The following MCM2 variants were observed in gnomAD, a reference collection of about 807,000 sequenced individuals.
MCM2 encodes minichromosome maintenance complex component 2, also known as DNA replication licensing factor MCM2.
Under a neutral mutation model 86.4 loss-of-function variants are expected in MCM2, and 49 were observed. The observed-to-expected ratio is 0.57, with a 90% CI of 0.45 to 0.72. MCM2 has a LOEUF of 0.72. MCM2 is among the 30% of genes least tolerant of loss of function. The pLI, the probability that MCM2 is intolerant of heterozygous loss-of-function variation, is 0.00. For missense variants in MCM2, 1,038 were observed against 1,259.9 expected, an observed-to-expected ratio of 0.82 and a Z score of 2.67; for synonymous variants, 475 against 484.6, an observed-to-expected ratio of 0.98 and a Z score of 0.26.
Position 127,604,742 on chromosome 3 carries a change from C to A in MCM2, c.371C>A (p.Ala124Asp). ...GCCATGCGGCAGCGTGACCGGGAGG[C>A]TGGCCGGGGCCTGGGCCGCATGCGC... is the stretch of plus-strand genomic sequence containing the variant. ...ERAMRQRDRE[A>D]GRGLGRMRRG... Residue 124 changes from alanine to aspartate, a missense_variant, in exon 3 of 16, where the codon GCT (alanine) becomes GAT (aspartate). Physicochemically the swap from Ala to Asp is moderately radical, Grantham distance 126. Transcript: ENST00000265056. 6.2e-7 allele frequency: 1 copy of A among 1,608,344 alleles called. No homozygotes were observed. The highest frequency in any genetic ancestry group is 2.2e-5 in the East Asian group (1 of 44,712).
rs550995424 is a variant in MCM2 at position 127,616,411 on chromosome 3, A to G, written c.1522+456A>G. Among the ~76,000 whole-genome samples, 28 of 152,220 alleles carry G rather than the reference A, an allele frequency of 1.8e-4. 2 individuals are homozygous for G. The South Asian group carries it at 5.8e-3, about 32-fold the overall frequency. ...AATTACACAGCAACCACAGGGTTTC[A>G]TGACTACACGTGTTTATTTGTACAA... is the stretch of plus-strand genomic sequence containing the variant. On this transcript the variant is annotated intron_variant, in intron 9 of 15. Transcript: ENST00000265056.
At position 127,606,215 on chromosome 3, in the gene MCM2, G is replaced by A. The variant is rs1370278109; in HGVS notation, c.771G>A (p.Gln257=). The A allele has an allele frequency of 3.7e-6, 6 of 1,614,124 alleles. No homozygotes were observed. The African/African-American group carries it at 6.7e-5, about 18-fold the overall frequency. The part of the protein sequence containing the change: ...FLPEAPAELL[Q]IFDEAALEVV... ...CTGAGGCACCGGCGGAGCTGCTGCA[G>A]ATCTTTGATGAGGCTGCCCTGGAGG... is the stretch of plus-strand genomic sequence containing the variant. Residue 257 remains glutamine (Q), a synonymous_variant, in exon 5 of 16, where the codon CAG becomes CAA. Transcript: ENST00000265056. This position sits in a 1 kb window ranked among gnomAD's most constrained non-coding sequence, Gnocchi z 4.2.
rs536872686 is a variant in MCM2 at position 127,598,456 on chromosome 3, G to C, written c.-11G>C. On this transcript the variant is annotated 5_prime_UTR_variant, in exon 1 of 16. Transcript: ENST00000265056. ...TGTTGCTGTAGTGGCGGAGAGGATC[G>C]TGGTACTGCTATGGCGGTGAGCGCG... The C allele has an allele frequency of 4.1e-5, 66 of 1,613,302 alleles. No individual in the cohort carries two copies. The South Asian group carries it at 6.8e-4, about 17-fold the overall frequency.
Position 127,598,432 on chromosome 3 carries a change from G to C in MCM2, c.-35G>C, listed in dbSNP as rs746231456. 1.2e-6 allele frequency: 2 copies of C among 1,613,522 alleles called. No individual in the cohort carries two copies. Among genetic ancestry groups the C allele is most frequent in the South Asian group, 1.1e-5 (1 of 91,048 alleles). On this transcript the variant is annotated 5_prime_UTR_variant, in exon 1 of 16. Coordinates refer to ENST00000265056, the MANE Select transcript of MCM2 (RefSeq NM_004526.4). ...ACCACTTTTCGCGCGAAACCTGGTT[G>C]TTGCTGTAGTGGCGGAGAGGATCGT...
chr3:127,602,644 G>A (rs572436808), intron 2 of MCM2, among the ~76,000 whole-genome samples: 16 of 152,338 alleles, frequency 1.1e-4, no homozygotes, highest in African/African-American at 1.7e-4. Flanking sequence ...CTTTGCACTC[G>A]CTGGGTGCCT....
rs1271353947 is a variant in MCM2, at chr3:127,622,382, C to G, written c.*609C>G. The G allele has an allele frequency of 2.6e-5, 4 of 152,176 alleles. No individual in the cohort carries two copies. The highest frequency in any genetic ancestry group is 2.6e-4 in the Admixed American group (4 of 15,270). 9.4% of individuals were successfully genotyped at this position (152,176 alleles called of 1,614,324 possible). A position where few individuals can be genotyped will look rare whatever the true frequency, so the allele number is the denominator to read the frequency against. On this transcript the variant is annotated 3_prime_UTR_variant, in exon 16 of 16. Transcript: ENST00000265056. ...CTGTTTCCCCACTCTCTTATTTGTG[C>G]ATTCGGTTTGGTTTCTGTAGTTTTA... is the stretch of plus-strand genomic sequence containing the variant.
chr3:127,609,093 G>A (rs1253722189), intron 8 of MCM2, 70 bp downstream of exon 8: 4 of 1,532,022 alleles, frequency 2.6e-6, no homozygotes, highest in South Asian at 1.2e-5. Flanking sequence ...TGGGGCTGTG[G>A]TAGGCACCTA....
At position 127,604,601 on chromosome 3, in the gene MCM2, C is replaced by T; in HGVS notation, c.237-7C>T. 1 of 1,611,332 alleles carries T rather than the reference C, an allele frequency of 6.2e-7. No homozygotes were observed. Among genetic ancestry groups the T allele is most frequent in the Non-Finnish European group, 8.5e-7 (1 of 1,178,746 alleles). Reference sequence around the variant, plus strand: ...CAGTAACCACATCTGTTTTGGTGCTCCCTCAGGGACTACCGCGCCATCCCA... The same window carrying T: ...CAGTAACCACATCTGTTTTGGTGCTTCCTCAGGGACTACCGCGCCATCCCA... On this transcript the variant is annotated splice_polypyrimidine_tract_variant and splice_region_variant and intron_variant, in intron 2 of 15. Coordinates refer to ENST00000265056, the MANE Select transcript of MCM2 (RefSeq NM_004526.4).
intron 2 of MCM2, 54 bp from the exon 3 acceptor site, chr3:127,604,554 T>C (rs1396492861): frequency 1.3e-6 from 2 of 1,575,042 alleles, no homozygotes; most frequent in Non-Finnish European, 1.7e-6. Context: ...TGGGGTTTGG[T>C]GCTTAGGGTT....
intron 9 of MCM2, 118 bp from the exon 10 acceptor site, chr3:127,616,750 G>C: frequency 8.6e-7 from 1 of 1,162,652 alleles, no homozygotes; most frequent in Non-Finnish European, 1.2e-6. Flanking sequence ...CCTTTCTAGA[G>C]GGACTGTGCC....
chr3:127,602,193 A>T (rs2074311029), intron 2 of MCM2, among the ~76,000 whole-genome samples: 1 of 147,272 alleles, frequency 6.8e-6, no homozygotes, highest in African/African-American at 2.5e-5. Context: ...GTATGAACCA[A>T]TTAGAAGTTT....
At chr3:127,600,598 C>T (rs1357657053) in intron 2 of MCM2, among the ~76,000 whole-genome samples, 6 of 152,150 alleles carry the variant, frequency 3.9e-5, no homozygotes, top group African/African-American at 1.4e-4. Flanking sequence ...CCACCCCCAA[C>T]GATGAGACTG....
At chr3:127,613,418 A>G (rs940423481) in intron 8 of MCM2, among the ~76,000 whole-genome samples, 3 of 152,196 alleles carry the variant, frequency 2.0e-5, no homozygotes, top group Non-Finnish European at 4.4e-5. Context: ...AGGACTTAGT[A>G]TCTGCTTGGC....
chr3:127,617,835 G>A lies in MCM2; in HGVS notation c.1901-134G>A, dbSNP rs1416123013. The A allele has an allele frequency of 1.5e-6, 1 of 677,404 alleles. No homozygotes were observed. The highest frequency in any genetic ancestry group is 2.7e-5 in the East Asian group (1 of 36,744). The allele number at this position is 677,404 out of a possible 1,614,324, so 42.0% of individuals were successfully genotyped here. On this transcript the variant is annotated intron_variant, in intron 11 of 15. Transcript: ENST00000265056. The surrounding 1 kb of genome is among the most constrained non-coding windows in gnomAD (Gnocchi z 4.1). ...GGTAAGCTCTTTGCTGTCTCAGACA[G>A]CAGGTGCTAAGTACCCACCTATGTC...
At chr3:127,616,778 T>C (rs1244065078) in intron 9 of MCM2, 90 bp from the exon 10 acceptor site, 3 of 1,400,544 alleles carry the variant, frequency 2.1e-6, no homozygotes, top group East Asian at 4.6e-5. Flanking sequence ...TCCTAACAAG[T>C]AGGTTGAGGA....
intron 8 of MCM2, 84 bp downstream of exon 8, chr3:127,609,107 C>A: frequency 1.4e-6 from 2 of 1,414,032 alleles, no homozygotes; most frequent in Non-Finnish European, 2.0e-6. Flanking sequence ...GCACCTAGGG[C>A]TCACTGCTCA....
chr3:127,619,127 C>T lies in MCM2; in HGVS notation c.2114C>T (p.Ala705Val). The change falls in exon 13 of 16, where the codon GCC becomes GTC. Residue 705 changes from alanine to valine, a missense_variant. By Grantham distance (64) the Ala-to-Val change is moderately conservative. Around this residue, in one of 4 missense-constraint regions of MCM2, gnomAD observed 336 missense variants for 425.7 expected, o/e 0.79. Transcript: ENST00000265056. ...GCCAATGGCAGCGCTGCTGAGCCCG[C>T]CATGCCCAACACGTATGGCGTGGAG... ...GLANGSAAEP[A>V]MPNTYGVEPL... is the part of the protein sequence containing the mutation. The T allele has an allele frequency of 6.2e-7, 1 of 1,614,052 alleles. No homozygotes were observed. Among genetic ancestry groups the T allele is most frequent in the Admixed American group, 1.7e-5 (1 of 60,016 alleles).
At chr3:127,621,374 C>T (rs2074477759) in intron 15 of MCM2, 146 bp downstream of exon 15, 2 of 959,684 alleles carry the variant, frequency 2.1e-6, no homozygotes, top group Non-Finnish European at 3.1e-6. Context: ...CTGTTGAGTC[C>T]AGTTCTGTGC....
intron 13 of MCM2, among the ~76,000 whole-genome samples, chr3:127,620,121 T>C (rs1021890003): frequency 1.3e-5 from 2 of 152,256 alleles, no homozygotes; most frequent in African/African-American, 4.8e-5. Context: ...TTAAGTTCCA[T>C]ATTGACTTTG....
Sources: allele counts gnomAD v4.1 joint callset (sites outside exome capture counted in the v4.1 genomes callset), GRCh38; gene constraint gnomAD v4.1.1; regional missense constraint gnomAD v4.1.1; non-coding constraint Gnocchi (gnomAD v3.1); transcripts MANE v1.5; gene names NCBI Gene and HGNC (gene_info 2026-07-23, HGNC 2026-07-21).